PTPRN2: variants seen among roughly 807,000 people sequenced by gnomAD.
PTPRN2 encodes protein tyrosine phosphatase receptor type N2, also known as receptor-type tyrosine-protein phosphatase N2.
Under a neutral mutation model 118.8 loss-of-function variants are expected in PTPRN2, and 74 were observed. The ratio of observed to expected loss-of-function variants is 0.62; its 90% CI spans 0.52 to 0.76. PTPRN2 has a LOEUF of 0.76. Ranked by LOEUF, PTPRN2 falls within the 30% of genes least tolerant of loss-of-function variation. PTPRN2 has a pLI of 0.00. For synonymous variants in PTPRN2, 641 were observed against 608.0 expected (o/e 1.05, Z -0.80); for missense variants, 1,481 against 1,394.4 (o/e 1.06, Z -0.99).
intron 22 of PTPRN2, among the ~76,000 whole-genome samples, chr7:157,541,911 G>A (rs1004495202): frequency 3.3e-5 from 5 of 152,322 alleles, no homozygotes; most frequent in South Asian, 2.1e-4. Context: ...TGATGCTGAC[G>A]GAATGGTCTG....
At chr7:157,657,960 AACAG>A (rs1279517503) in intron 13 of PTPRN2, among the ~76,000 whole-genome samples, 2 of 60,750 alleles carry the variant, frequency 3.3e-5, no homozygotes, top group Non-Finnish European at 8.2e-5. Context: ...ACACATATGT[AACAG>A]ACACACACAC....
rs59471286 is a variant in PTPRN2, at chr7:158,022,634, G to A, written c.1723+58664C>T. 3.9e-4 allele frequency among the ~76,000 whole-genome samples: 56 copies of A among 144,378 alleles called. 1 individual carries two copies. The highest frequency in any genetic ancestry group is 1.3e-3 in the African/African-American group (53 of 39,386). The allele number at this position is 144,378 out of a possible 152,430, so 94.7% of individuals were successfully genotyped here. A position where few individuals can be genotyped will look rare whatever the true frequency, so the allele number is the denominator to read the frequency against. ...CCCCGGCACCCGGGCACTCTGTCTGGGGCAGCCTGTAATGTGTTCATAGCC... is the reference window on the plus strand; with the variant it reads ...CCCCGGCACCCGGGCACTCTGTCTGAGGCAGCCTGTAATGTGTTCATAGCC... On this transcript the variant is annotated intron_variant, in intron 11 of 22. Coordinates refer to ENST00000389418, the MANE Select transcript of PTPRN2 (RefSeq NM_002847.5). The surrounding 1 kb of genome is among the most constrained non-coding windows in gnomAD (Gnocchi z 4.6).
chr7:158,563,885 C>T lies in PTPRN2; in HGVS notation c.112+23673G>A, dbSNP rs147689055. Among the ~76,000 whole-genome samples, 100 of 152,310 alleles carry T rather than the reference C, an allele frequency of 6.6e-4. No individual in the cohort carries two copies. The highest frequency in any genetic ancestry group is 2.3e-3 in the African/African-American group (97 of 41,576). On this transcript the variant is annotated intron_variant, in intron 1 of 22. Coordinates refer to ENST00000389418, the MANE Select transcript of PTPRN2 (RefSeq NM_002847.5). The surrounding 1 kb of genome is among the most constrained non-coding windows in gnomAD (Gnocchi z 5.1). ...TATATTTCTAAGATTGGGGTCATTC[C>T]TTACACCTGGATTTGTTCTCCAGTA...
chr7:157,817,232 G>T (rs928826283), intron 12 of PTPRN2, among the ~76,000 whole-genome samples: 1 of 152,196 alleles, frequency 6.6e-6, no homozygotes, highest in Non-Finnish European at 1.5e-5. Context: ...TTTTGCACAC[G>T]TCTGGCTCTG....
chr7:158,520,819 C>A (rs1823927278), intron 1 of PTPRN2, among the ~76,000 whole-genome samples: 1 of 152,214 alleles, frequency 6.6e-6, no homozygotes, highest in Non-Finnish European at 1.5e-5. Flanking sequence ...TGAGCACGTC[C>A]TGGTTTCCAT....
chr7:157,819,981 C>A lies in PTPRN2; in HGVS notation c.1788+78692G>T, dbSNP rs57793900. ...GCAGACCCAAACACGTTCACACGCA[C>A]AACACACCCACACACACAGAGGCAC... is the stretch of plus-strand genomic sequence containing the variant. On this transcript the variant is annotated intron_variant, in intron 12 of 22. Transcript: ENST00000389418. 4.6e-3 allele frequency among the ~76,000 whole-genome samples: 699 copies of A among 151,550 alleles called. 8 individuals are homozygous for A. The highest frequency in any genetic ancestry group is 0.016 in the African/African-American group (657 of 41,316).
intron 2 of PTPRN2, among the ~76,000 whole-genome samples, chr7:158,430,763 A>G (rs529784245): frequency 6.6e-6 from 1 of 152,342 alleles, no homozygotes; most frequent in East Asian, 1.9e-4. Context: ...CACAACTCCC[A>G]TGACAGCTTG....
intron 15 of PTPRN2, among the ~76,000 whole-genome samples, chr7:157,606,731 C>A (rs139294087): frequency 6.6e-6 from 1 of 152,204 alleles, no homozygotes; most frequent in African/African-American, 2.4e-5. Flanking sequence ...TGAAGCTGCA[C>A]GGACTCTGCT....
At chr7:158,145,665 G>A (rs548149565) in intron 6 of PTPRN2, among the ~76,000 whole-genome samples, 56 of 152,350 alleles carry the variant, frequency 3.7e-4, no homozygotes, top group Middle Eastern at 3.4e-3. Context: ...GGGCTCCCCT[G>A]CCGTGGCTGC....
intron 11 of PTPRN2, among the ~76,000 whole-genome samples, chr7:158,005,053 C>T (rs1005404651): frequency 1.1e-4 from 17 of 150,396 alleles, no homozygotes; most frequent in African/African-American, 3.4e-4. Context: ...GAAGTACCTG[C>T]GGTCTGAGCT....
chr7:157,927,167 G>T (rs569412957), intron 11 of PTPRN2, among the ~76,000 whole-genome samples: 2 of 126,602 alleles, frequency 1.6e-5, no homozygotes, highest in East Asian at 2.3e-4. Flanking sequence ...CCAGGGACCC[G>T]TCTGAGAGCA....
chr7:157,585,099 A>T lies in PTPRN2; in HGVS notation c.2497-6959T>A, dbSNP rs1377303278. Among the ~76,000 whole-genome samples, 2 of 152,138 alleles carry T rather than the reference A, an allele frequency of 1.3e-5. No individual in the cohort carries two copies. Among genetic ancestry groups the T allele is most frequent in the African/African-American group, 4.8e-5 (2 of 41,420 alleles). ...GGATTCATTTAGGGATGACACGATGAGGTGACGTAGCCCACACACACGTCA... is the reference window on the plus strand; with the variant it reads ...GGATTCATTTAGGGATGACACGATGTGGTGACGTAGCCCACACACACGTCA... On this transcript the variant is annotated intron_variant, in intron 17 of 22. Transcript: ENST00000389418. This position sits in a 1 kb window ranked among gnomAD's most constrained non-coding sequence, Gnocchi z 5.2.
intron 11 of PTPRN2, among the ~76,000 whole-genome samples, chr7:158,036,354 A>G (rs1808091642): frequency 6.6e-6 from 1 of 152,228 alleles, no homozygotes; most frequent in Non-Finnish European, 1.5e-5. Flanking sequence ...TCTCATAAAC[A>G]GCACTAAAGC....
At chr7:158,149,838 C>T (rs1370463381) in intron 6 of PTPRN2, among the ~76,000 whole-genome samples, 1 of 151,066 alleles carries the variant, frequency 6.6e-6, no homozygotes, top group Admixed American at 6.6e-5. Context: ...AGTGATGTCT[C>T]TTGAAAAAAC....
At chr7:158,524,688 T>C (rs1409218065) in intron 1 of PTPRN2, among the ~76,000 whole-genome samples, 2 of 152,118 alleles carry the variant, frequency 1.3e-5, no homozygotes, top group Non-Finnish European at 2.9e-5. Flanking sequence ...AATCAGGTTT[T>C]TGCAGGAAAA....
intron 12 of PTPRN2, among the ~76,000 whole-genome samples, chr7:157,847,429 G>A (rs56375013): frequency 1.3e-5 from 1 of 78,504 alleles, no homozygotes; most frequent in Non-Finnish European, 2.6e-5. Flanking sequence ...CACTCCATCA[G>A]GTGTGCCTGA....
chr7:157,562,569 T>C (rs978874382), intron 21 of PTPRN2, among the ~76,000 whole-genome samples: 1 of 152,250 alleles, frequency 6.6e-6, no homozygotes, highest in Non-Finnish European at 1.5e-5. Flanking sequence ...GGAGGGCTGC[T>C]GGCCTTCAAA....
Position 157,813,394 on chromosome 7 carries a change from G to T in PTPRN2, c.1788+85279C>A, listed in dbSNP as rs541739831. On this transcript the variant is annotated intron_variant, in intron 12 of 22. Transcript: ENST00000389418. This position sits in a 1 kb window ranked among gnomAD's most constrained non-coding sequence, Gnocchi z 4.7. Reference sequence around the variant, plus strand: ...GGAGGGAAGAGGGTGGGAGACCAGAGTCAGAGGCGGACAGGGGTTCGATAC... The same window carrying T: ...GGAGGGAAGAGGGTGGGAGACCAGATTCAGAGGCGGACAGGGGTTCGATAC... Among the ~76,000 whole-genome samples, 4 of 152,280 alleles carry T rather than the reference G, an allele frequency of 2.6e-5. No individual in the cohort carries two copies. In the South Asian group the frequency reaches 8.3e-4, roughly 32 times the overall value.
At chr7:157,817,079 CG>C (rs1431258005) in intron 12 of PTPRN2, among the ~76,000 whole-genome samples, 1 of 152,164 alleles carries the variant, frequency 6.6e-6, no homozygotes, top group Admixed American at 6.5e-5. Context: ...GGCTGTGCAC[CG>C]GGGGTGTCGG....
Sources: allele counts gnomAD v4.1 joint callset (sites outside exome capture counted in the v4.1 genomes callset), GRCh38; gene constraint gnomAD v4.1.1; non-coding constraint Gnocchi (gnomAD v3.1); transcripts MANE v1.5; gene names NCBI Gene and HGNC (gene_info 2026-07-23, HGNC 2026-07-21).